The following ZNF469 variants were observed in gnomAD, a reference collection of about 807,000 sequenced individuals.
The protein encoded by ZNF469 is zinc finger protein 469.
ZNF469 carries 1 observed loss-of-function variant against 1.0 expected under a neutral mutation model. That is an observed-to-expected ratio of 1.00 (90% CI 0.35 to 4.73). The LOEUF (loss-of-function observed/expected upper bound fraction) is 4.73. Ranked by LOEUF, ZNF469 falls within the 30% of genes most tolerant of loss-of-function variation. The pLI is 0.16. For missense variants in ZNF469, 6,100 were observed against 5,356.3 expected (o/e 1.14, Z -4.33); for synonymous variants, 2,703 against 2,363.4 (o/e 1.14, Z -4.17).
the ZNF469 span, among the ~76,000 whole-genome samples, chr16:88,132,419 G>T: frequency 0.014 from 2,105 of 152,228 alleles, 55 homozygotes; most frequent in African/African-American, 0.048. Flanking sequence ...AGAGCGCCGC[G>T]TAGCCGGCGG....
the ZNF469 span, among the ~76,000 whole-genome samples, chr16:88,138,266 A>G: frequency 6.6e-6 from 1 of 152,188 alleles, no homozygotes; most frequent in Non-Finnish European, 1.5e-5. Context: ...TTGTCTTGTA[A>G]TCACAATCCC....
Position 88,435,477 on chromosome 16 carries a change from C to T in ZNF469, c.8007C>T (p.Ala2669=), listed in dbSNP as rs1567515224. The T allele has an allele frequency of 6.5e-7, 1 of 1,549,258 alleles. No homozygotes were observed. The highest frequency in any genetic ancestry group is 8.7e-7 in the Non-Finnish European group (1 of 1,146,982). Residue 2669 remains alanine, a synonymous_variant, in exon 3 of 3, where the codon GCC becomes GCT. Transcript: ENST00000565624. ...GRGSRPSPAM[A]SYAASPSHCL... ...GCTCCAGACCATCCCCTGCAATGGC[C>T]AGTTACGCAGCCTCTCCGAGCCACT...
chr16:88,312,884 C>T, the ZNF469 span, among the ~76,000 whole-genome samples: 3 of 152,228 alleles, frequency 2.0e-5, no homozygotes, highest in Non-Finnish European at 2.9e-5. Flanking sequence ...GACTCCACGC[C>T]TCCATGCCCT....
the ZNF469 span, among the ~76,000 whole-genome samples, chr16:88,263,777 G>A: frequency 6.6e-6 from 1 of 152,088 alleles, no homozygotes; most frequent in Non-Finnish European, 1.5e-5. Flanking sequence ...CATCCCAGAG[G>A]TGACTGTGAG....
chr16:88,226,888 G>T, the ZNF469 span, among the ~76,000 whole-genome samples: 1 of 152,124 alleles, frequency 6.6e-6, no homozygotes, highest in Admixed American at 6.5e-5. Flanking sequence ...CGCACCACAG[G>T]CTGCACGTTT....
upstream of ZNF469, among the ~76,000 whole-genome samples, chr16:88,381,273 TGCACTCACACACAC>T (rs1036884832): frequency 6.1e-5 from 7 of 114,104 alleles, no homozygotes; most frequent in Non-Finnish European, 1.1e-4. Context: ...CACACAGACA[TGCACTCACACACAC>T]GCACTCACAC....
the ZNF469 span, among the ~76,000 whole-genome samples, chr16:88,320,333 C>A: frequency 5.9e-5 from 9 of 152,274 alleles, no homozygotes; most frequent in South Asian, 6.2e-4. Context: ...AACAGTGAGG[C>A]CTTGCGTCTT....
At chr16:88,421,446 G>A (rs913628900) in intron 1 of ZNF469, among the ~76,000 whole-genome samples, 2 of 152,208 alleles carry the variant, frequency 1.3e-5, no homozygotes, top group Admixed American at 6.5e-5. Flanking sequence ...CAAGAGCCTT[G>A]GCGGGGCCAG....
chr16:88,136,095 G>A, the ZNF469 span, among the ~76,000 whole-genome samples: 1 of 152,058 alleles, frequency 6.6e-6, no homozygotes, highest in Non-Finnish European at 1.5e-5. Flanking sequence ...CTGGACAAAG[G>A]TCCCCCAGTT....
At chr16:88,249,294 C>G in the ZNF469 span, among the ~76,000 whole-genome samples, 3 of 151,846 alleles carry the variant, frequency 2.0e-5, no homozygotes, top group East Asian at 5.8e-4. Flanking sequence ...GGGCCACAAT[C>G]ATACCTCACT....
At chr16:88,300,290 T>C in the ZNF469 span, among the ~76,000 whole-genome samples, 1 of 152,140 alleles carries the variant, frequency 6.6e-6, no homozygotes, top group Admixed American at 6.6e-5. Context: ...GAGGTGGCCA[T>C]GGATGGAGGC....
At chr16:88,345,355 A>G in the ZNF469 span, among the ~76,000 whole-genome samples, 2 of 152,144 alleles carry the variant, frequency 1.3e-5, no homozygotes, top group African/African-American at 4.8e-5. Context: ...GTATCAAAAA[A>G]CCAGATTTTT....
the ZNF469 span, among the ~76,000 whole-genome samples, chr16:88,377,494 G>T: frequency 6.6e-6 from 1 of 152,164 alleles, no homozygotes; most frequent in African/African-American, 2.4e-5. Context: ...TTTTGCTCTC[G>T]ACTGGGGCCA....
chr16:88,213,803 T>C, the ZNF469 span, among the ~76,000 whole-genome samples: 5 of 152,350 alleles, frequency 3.3e-5, no homozygotes, highest in East Asian at 9.6e-4. Context: ...CTCAGTCTCC[T>C]CTTCTGTTTT....
chr16:88,401,932 AT>A (rs1904887425), intron 1 of ZNF469, among the ~76,000 whole-genome samples: 1 of 126,366 alleles, frequency 7.9e-6, no homozygotes, highest in African/African-American at 3.0e-5. Flanking sequence ...GGATGGATGG[AT>A]AGATACGTGG....
chr16:88,268,293 A>G, the ZNF469 span, among the ~76,000 whole-genome samples: 1 of 152,094 alleles, frequency 6.6e-6, no homozygotes, highest in South Asian at 2.1e-4. Context: ...GGCTACCCTG[A>G]GAAGATGACG....
the ZNF469 span, among the ~76,000 whole-genome samples, chr16:88,366,347 T>C: frequency 6.7e-6 from 1 of 149,888 alleles, no homozygotes; most frequent in Non-Finnish European, 1.5e-5. Context: ...ACCACCACCA[T>C]CATCATCACC....
upstream of ZNF469, among the ~76,000 whole-genome samples, chr16:88,380,466 C>T (rs201847082): frequency 2.8e-4 from 40 of 141,696 alleles, no homozygotes; most frequent in African/African-American, 5.9e-4. Context: ...TGCACACACA[C>T]ATGCACTCAC....
At chr16:88,359,418 G>A in the ZNF469 span, among the ~76,000 whole-genome samples, 2 of 152,096 alleles carry the variant, frequency 1.3e-5, no homozygotes, top group African/African-American at 4.8e-5. Context: ...TCGGTATCCT[G>A]CCCACATTTG....
Sources: gnomAD v4.1 joint callset for allele counts (sites outside exome capture counted in the v4.1 genomes callset) on GRCh38, gnomAD v4.1.1 for gene constraint, MANE v1.5 for transcripts, NCBI Gene and HGNC (gene_info 2026-07-23, HGNC 2026-07-21) for gene names.